Variants in GTF2F2 observed in about 807,000 individuals in gnomAD.
GTF2F2 encodes ATP-dependent helicase GTF2F2.
GTF2F2 carries 23 observed loss-of-function variants against 42.2 expected under a neutral mutation model. The observed-to-expected ratio is 0.55, with a 90% CI of 0.39 to 0.77. The LOEUF (loss-of-function observed/expected upper bound fraction) is 0.77, where lower values mean the gene tolerates loss of function less well. Ranked by LOEUF, GTF2F2 falls within the 30% of genes least tolerant of loss-of-function variation. GTF2F2 has a pLI of 0.00. For synonymous variants in GTF2F2, 105 were observed against 100.8 expected, an observed-to-expected ratio of 1.04 and a Z score of -0.25; for missense variants, 261 against 287.2, an observed-to-expected ratio of 0.91 and a Z score of 0.66.
rs188861341 is a variant in GTF2F2 at position 45,232,225 on chromosome 13, G to T, written c.387-20646G>T. 1.2e-4 allele frequency among the ~76,000 whole-genome samples: 18 copies of T among 152,334 alleles called. No homozygotes were observed. The East Asian group carries it at 3.5e-3, about 29-fold the overall frequency. ...AACATTTTTAGGAGTTAAAGAAGTTGATGATCAGAGGGTTAGAAGTTGAGA... is the reference window on the plus strand; with the variant it reads ...AACATTTTTAGGAGTTAAAGAAGTTTATGATCAGAGGGTTAGAAGTTGAGA... On this transcript the variant is annotated intron_variant, in intron 5 of 7. Transcript: ENST00000340473.
At chr13:45,271,552 T>G in intron 7 of GTF2F2, among the ~76,000 whole-genome samples, 1 of 151,622 alleles carries the variant, frequency 6.6e-6, no homozygotes, top group Admixed American at 6.6e-5. Flanking sequence ...CCAGCTAATT[T>G]TTTTTTTCTT....
At chr13:45,191,787 A>G (rs1356880773) in intron 4 of GTF2F2, among the ~76,000 whole-genome samples, 1 of 152,198 alleles carries the variant, frequency 6.6e-6, no homozygotes, top group Non-Finnish European at 1.5e-5. Flanking sequence ...GTGTCCAGAT[A>G]CAAGTTCTAA....
intron 2 of GTF2F2, among the ~76,000 whole-genome samples, chr13:45,142,325 C>G (rs1279227221): frequency 6.6e-6 from 1 of 152,086 alleles, no homozygotes; most frequent in Non-Finnish European, 1.5e-5. Flanking sequence ...TGCCACCATG[C>G]CCAGCTAATT....
chr13:45,165,056 G>A (rs184274082), intron 4 of GTF2F2, among the ~76,000 whole-genome samples: 18 of 152,014 alleles, frequency 1.2e-4, no homozygotes, highest in Middle Eastern at 3.4e-3. Flanking sequence ...TTTATTAAGC[G>A]GACAGATATA....
At chr13:45,207,177 A>G in intron 4 of GTF2F2, 1 of 417,086 alleles carries the variant, frequency 2.4e-6, no homozygotes, top group Non-Finnish European at 4.4e-6. Context: ...CAGAGTGTAT[A>G]AAAGCTGTTC....
At chr13:45,236,535 A>G (rs1392694285) in intron 5 of GTF2F2, among the ~76,000 whole-genome samples, 3 of 150,972 alleles carry the variant, frequency 2.0e-5, no homozygotes, top group African/African-American at 7.3e-5. Context: ...ACACAAGTTT[A>G]TGAGGCTCAG....
chr13:45,237,717 C>CT (rs901298951), intron 5 of GTF2F2, among the ~76,000 whole-genome samples: 35 of 152,280 alleles, frequency 2.3e-4, no homozygotes, highest in Non-Finnish European at 4.3e-4. Context: ...TTCTTTTACT[C>CT]TAAGTATTAT....
At chr13:45,184,121 G>T (rs1872297181) in intron 4 of GTF2F2, among the ~76,000 whole-genome samples, 1 of 152,012 alleles carries the variant, frequency 6.6e-6, no homozygotes, top group Non-Finnish European at 1.5e-5. Flanking sequence ...CTCCCAAAGT[G>T]AGCGACTGCA....
At chr13:45,124,372 G>GTGCCCAGCCAAGACAGGGTTT in intron 1 of GTF2F2, among the ~76,000 whole-genome samples, 1 of 151,276 alleles carries the variant, frequency 6.6e-6, no homozygotes, top group South Asian at 2.1e-4. Context: ...GTGAGCCACT[G>GTGCCCAGCCAAGACAGGGTTT]CACCTGGCCT....
In GTF2F2 at chr13:45,216,088, A is replaced by G. The variant is rs546150304; in HGVS notation, c.386+8583A>G. On this transcript the variant is annotated intron_variant, in intron 5 of 7. Coordinates refer to ENST00000340473, the MANE Select transcript of GTF2F2 (RefSeq NM_004128.3). ...AAACACCATCCCTACAACAACAACA[A>G]CAAAAATTAGCCAAGCATGGTGGTG... is the stretch of plus-strand genomic sequence containing the variant. 5.4e-4 allele frequency among the ~76,000 whole-genome samples: 82 copies of G among 152,164 alleles called. 2 individuals are homozygous for G. In the South Asian group the frequency reaches 0.016, roughly 29 times the overall value.
intron 6 of GTF2F2, among the ~76,000 whole-genome samples, chr13:45,266,947 A>G (rs1876586763): frequency 6.6e-6 from 1 of 152,172 alleles, no homozygotes; most frequent in Admixed American, 6.5e-5. Flanking sequence ...CAGGAGTTCC[A>G]GGCCAGCCTG....
rs189464930 is a variant in GTF2F2, at chr13:45,145,903, C to T, written c.141-3867C>T. Among the ~76,000 whole-genome samples the T allele has an allele frequency of 2.2e-3, 341 of 152,304 alleles. 5 individuals are homozygous for T. Among genetic ancestry groups the T allele is most frequent in the African/African-American group, 7.7e-3 (322 of 41,570 alleles). The stretch of plus-strand genomic sequence containing the variant: ...TCTCCCCTCCTCCATAGGAATGCCT[C>T]CTTACCCCACTAAGGGTCCAGCATC... On this transcript the variant is annotated intron_variant, in intron 2 of 7. Transcript: ENST00000340473.
intron 4 of GTF2F2, among the ~76,000 whole-genome samples, chr13:45,203,513 A>G (rs2138185609): frequency 6.6e-6 from 1 of 152,262 alleles, no homozygotes; most frequent in South Asian, 2.1e-4. Flanking sequence ...CAGTTGTCTC[A>G]CCTGTACCTA....
At chr13:45,166,830 A>G (rs756677706) in intron 4 of GTF2F2, among the ~76,000 whole-genome samples, 34 of 152,228 alleles carry the variant, frequency 2.2e-4, no homozygotes, top group Admixed American at 3.9e-4. Context: ...AATTTAGAGT[A>G]TGAATTTCTT....
chr13:45,212,160 G>T (rs979401503), intron 5 of GTF2F2, among the ~76,000 whole-genome samples: 18 of 152,144 alleles, frequency 1.2e-4, no homozygotes, highest in Non-Finnish European at 1.0e-4. Flanking sequence ...AACAGAATTG[G>T]TAAGTCTGAG....
At position 45,257,247 on chromosome 13, in the gene GTF2F2, A is replaced by G. The variant is rs192512060; in HGVS notation, c.486+4277A>G. 5.3e-3 allele frequency among the ~76,000 whole-genome samples: 809 copies of G among 152,278 alleles called. 2 individuals are homozygous for G. The highest frequency in any genetic ancestry group is 8.9e-3 in the Non-Finnish European group (602 of 68,014). On this transcript the variant is annotated intron_variant, in intron 6 of 7. Coordinates refer to ENST00000340473, the MANE Select transcript of GTF2F2 (RefSeq NM_004128.3). ...TTATATGATTATTTTTATCTCTTAG[A>G]ATACTCCATTGAAATCGCACCCCTG...
chr13:45,263,251 G>A lies in GTF2F2; in HGVS notation c.487-3982G>A, dbSNP rs545995336. 3.1e-4 allele frequency among the ~76,000 whole-genome samples: 46 copies of A among 148,594 alleles called. No individual in the cohort carries two copies. The East Asian group carries it at 8.3e-3, about 27-fold the overall frequency. The stretch of plus-strand genomic sequence containing the variant: ...ACTAAATTTTTTTTTTTTTTGAGAC[G>A]GAGTCTCACTCTGTCACCCAGGCTA... On this transcript the variant is annotated intron_variant, in intron 6 of 7. Coordinates refer to ENST00000340473, the MANE Select transcript of GTF2F2 (RefSeq NM_004128.3).
chr13:45,246,015 T>TTTA (rs1443627378), intron 5 of GTF2F2, among the ~76,000 whole-genome samples: 134 of 20,286 alleles, frequency 6.6e-3, no homozygotes, highest in African/African-American at 0.029. Context: ...TATTTATTTA[T>TTTA]TTTATTTATT....
At chr13:45,139,906 T>C (rs1468468791) in intron 2 of GTF2F2, among the ~76,000 whole-genome samples, 6 of 152,196 alleles carry the variant, frequency 3.9e-5, no homozygotes, top group Non-Finnish European at 8.8e-5. Flanking sequence ...AAATCTACCA[T>C]GCTCAAGTCC....
Sources: allele counts gnomAD v4.1 joint callset (sites outside exome capture counted in the v4.1 genomes callset), GRCh38; gene constraint gnomAD v4.1.1; transcripts MANE v1.5; gene names NCBI Gene and HGNC (gene_info 2026-07-23, HGNC 2026-07-21).